Variants in SCN7A observed in about 807,000 individuals in gnomAD.
The protein encoded by SCN7A is sodium channel protein type 7 subunit alpha.
SCN7A carries 138 observed loss-of-function variants against 155.2 expected under a neutral mutation model. The ratio of observed to expected loss-of-function variants is 0.89; its 90% CI spans 0.77 to 1.02. The LOEUF (loss-of-function observed/expected upper bound fraction) is 1.02. Ranked by LOEUF, SCN7A falls within the 50% of genes least tolerant of loss-of-function variation. The pLI is 0.00. For synonymous variants in SCN7A, 693 were observed against 649.0 expected (o/e 1.07, Z -1.03); for missense variants, 2,058 against 1,986.6 (o/e 1.04, Z -0.68).
At chr2:166,438,003 T>C (rs1253348304) in intron 15 of SCN7A, among the ~76,000 whole-genome samples, 1 of 152,166 alleles carries the variant, frequency 6.6e-6, no homozygotes, top group African/African-American at 2.4e-5. Context: ...GGGGGACTTT[T>C]GGAAAGGCAC....
intron 1 of SCN7A, among the ~76,000 whole-genome samples, chr2:166,490,988 C>G (rs1383489240): frequency 2.0e-5 from 3 of 152,066 alleles, no homozygotes; most frequent in African/African-American, 7.2e-5. Flanking sequence ...GCCCCAGGGC[C>G]AGAGAAAGAG....
rs746019511 is a variant in SCN7A, at chr2:166,416,943, T to C, written c.3178A>G (p.Asn1060Asp). 1 of 1,609,210 alleles carries C rather than the reference T, an allele frequency of 6.2e-7. No homozygotes were observed. The highest frequency in any genetic ancestry group is 2.2e-5 in the East Asian group (1 of 44,640). Residue 1060 changes from asparagine to aspartate, a missense_variant, in exon 21 of 26, where the codon AAT becomes GAT. Coordinates refer to ENST00000643258, the MANE Select transcript of SCN7A (RefSeq NM_002976.4). ...ATCATCAGGCAGACAAGAAACACAT[T>C]CAAAGTGGGTAAGGTTGTTTTGATC... Reference protein sequence around the residue: ...ALIKTTLPTLNVFLVCLMIWL... With the variant: ...ALIKTTLPTLDVFLVCLMIWL...
intron 25 of SCN7A, 96 bp from the exon 26 acceptor site, chr2:166,406,742 T>C: frequency 1.2e-6 from 1 of 848,802 alleles, no homozygotes; most frequent in Non-Finnish European, 1.8e-6. Flanking sequence ...TTTTTCCCTG[T>C]TTTATTAATC....
chr2:166,476,888 C>T (rs1702810504), intron 3 of SCN7A, among the ~76,000 whole-genome samples: 1 of 151,984 alleles, frequency 6.6e-6, no homozygotes, highest in East Asian at 1.9e-4. Flanking sequence ...ATTCTTTCAG[C>T]TTCATTGGTT....
chr2:166,408,536 C>T (rs2105359647), intron 25 of SCN7A, among the ~76,000 whole-genome samples: 1 of 152,132 alleles, frequency 6.6e-6, no homozygotes, highest in South Asian at 2.1e-4. Flanking sequence ...AAGTCCCCTT[C>T]AGTCTCATAG....
intron 15 of SCN7A, among the ~76,000 whole-genome samples, chr2:166,437,939 G>T (rs1008676742): frequency 2.0e-5 from 3 of 152,084 alleles, no homozygotes; most frequent in Non-Finnish European, 2.9e-5. Context: ...ACTTATCTCA[G>T]ATGAGACTTT....
chr2:166,436,891 A>G (rs1701851024), intron 15 of SCN7A, among the ~76,000 whole-genome samples: 1 of 152,182 alleles, frequency 6.6e-6, no homozygotes, highest in Admixed American at 6.5e-5. Context: ...GATTTCGGGT[A>G]TCTGGCAGAA....
chr2:166,420,178 G>A (rs1701481409), intron 20 of SCN7A, among the ~76,000 whole-genome samples: 1 of 151,750 alleles, frequency 6.6e-6, no homozygotes, highest in African/African-American at 2.4e-5. Context: ...TGTATTTATA[G>A]AGAAAAATAA....
chr2:166,471,757 T>G (rs1702663007), intron 6 of SCN7A, among the ~76,000 whole-genome samples: 1 of 151,498 alleles, frequency 6.6e-6, no homozygotes, highest in South Asian at 2.1e-4. Flanking sequence ...GATATGTTAT[T>G]CTGATCTCTA....
Position 166,413,981 on chromosome 2 carries a change from G to GTGTA in SCN7A, c.3415-861_3415-860insTACA, listed in dbSNP as rs1553513525. On this transcript the variant is annotated intron_variant, in intron 21 of 25. Transcript: ENST00000643258. ...CCCCTTTATATATATATGTGTATGT[G>GTGTA]TATATATATATATATATATATAAAT... is the stretch of plus-strand genomic sequence containing the variant. 4.5e-4 allele frequency among the ~76,000 whole-genome samples: 24 copies of GTGTA among 53,524 alleles called. 1 individual carries two copies. Among genetic ancestry groups the GTGTA allele is most frequent in the Admixed American group, 8.5e-4 (3 of 3,538 alleles). 35.1% of individuals were successfully genotyped at this position (53,524 alleles called of 152,430 possible).
intron 1 of SCN7A, among the ~76,000 whole-genome samples, chr2:166,490,624 C>G (rs923767735): frequency 7.2e-5 from 11 of 152,054 alleles, no homozygotes; most frequent in African/African-American, 1.9e-4. Context: ...GTCATTTGCA[C>G]TGCTATTTTA....
rs1335984273 is a variant in SCN7A at position 166,414,267 on chromosome 2, CACACATATATATATATAT to C, written c.3415-1164_3415-1147del. 2.5e-4 allele frequency among the ~76,000 whole-genome samples: 7 copies of C among 28,352 alleles called. No homozygotes were observed. In the East Asian group the frequency reaches 6.3e-3, roughly 25 times the overall value. 18.6% of individuals were successfully genotyped at this position (28,352 alleles called of 152,430 possible). A position where few individuals can be genotyped will look rare whatever the true frequency, so the allele number is the denominator to read the frequency against. On this transcript the variant is annotated intron_variant, in intron 21 of 25. Transcript: ENST00000643258. Reference sequence around the variant, plus strand: ...GTAAATATATATAGATATATATACACACACATATATATATATATACACACACATATATATATATATATA... The same window carrying C: ...GTAAATATATATAGATATATATACACACACACACATATATATATATATATA...
chr2:166,416,062 T>C (rs561580357), intron 21 of SCN7A, among the ~76,000 whole-genome samples: 1 of 152,174 alleles, frequency 6.6e-6, no homozygotes, highest in Non-Finnish European at 1.5e-5. Context: ...ACTCTGGGAA[T>C]GTCTGTCCTA....
At chr2:166,461,145 TTGTC>T (rs1416689333) in intron 10 of SCN7A, among the ~76,000 whole-genome samples, 3 of 151,412 alleles carry the variant, frequency 2.0e-5, no homozygotes, top group Non-Finnish European at 2.9e-5. Context: ...TTATGAAACT[TTGTC>T]TGTGCCCCAA....
chr2:166,480,228 C>T (rs1437392774), intron 2 of SCN7A, among the ~76,000 whole-genome samples: 1 of 151,992 alleles, frequency 6.6e-6, no homozygotes, highest in East Asian at 1.9e-4. Flanking sequence ...GAGGCTGAGG[C>T]GGGCAGATCA....
At chr2:166,470,559 ATACATGGCAG>A (rs1202497915) in intron 7 of SCN7A, 46 bp downstream of exon 7, 20 of 1,444,378 alleles carry the variant, frequency 1.4e-5, no homozygotes, top group Non-Finnish European at 1.7e-5. Flanking sequence ...GTTCAAGTGA[ATACATGGCAG>A]TACATAAAAC....
intron 23 of SCN7A, among the ~76,000 whole-genome samples, chr2:166,410,621 G>C (rs13027893): frequency 0.076 from 11,480 of 151,954 alleles, 526 homozygotes; most frequent in Middle Eastern, 0.13. Context: ...AGGAGAAACA[G>C]CAGGGGATAT....
chr2:166,436,861 A>G (rs148050683), intron 15 of SCN7A, among the ~76,000 whole-genome samples: 5 of 152,300 alleles, frequency 3.3e-5, no homozygotes, highest in African/African-American at 1.2e-4. Context: ...GATCTGTGGA[A>G]CTTTGAACTT....
chr2:166,473,746 T>TA, intron 5 of SCN7A, 53 bp downstream of exon 5: 1 of 456,412 alleles, frequency 2.2e-6, no homozygotes. Context: ...TGTAAAATAT[T>TA]AAAAATATAC....
Sources: gnomAD v4.1 joint callset for allele counts (sites outside exome capture counted in the v4.1 genomes callset) on GRCh38, gnomAD v4.1.1 for gene constraint, MANE v1.5 for transcripts, NCBI Gene and HGNC (gene_info 2026-07-23, HGNC 2026-07-21) for gene names.